CSMD1: variants seen among roughly 807,000 people sequenced by gnomAD.
The protein encoded by CSMD1 is CUB and sushi domain-containing protein 1.
CSMD1 carries 213 observed loss-of-function variants against 417.5 expected under a neutral mutation model. The ratio of observed to expected loss-of-function variants is 0.51; its 90% CI spans 0.46 to 0.57. The LOEUF (loss-of-function observed/expected upper bound fraction) is 0.57, where lower values mean the gene tolerates loss of function less well. CSMD1 is among the 20% of genes least tolerant of loss of function. The pLI, the probability that CSMD1 is intolerant of heterozygous loss-of-function variation, is 0.00. For missense variants in CSMD1, 6,923 were observed against 4,529.7 expected, an observed-to-expected ratio of 1.53 and a Z score of -15.17; for synonymous variants, 2,862 against 1,736.8, an observed-to-expected ratio of 1.65 and a Z score of -16.11.
At chr8:4,831,202 G>T (rs1474974796) in intron 1 of CSMD1, among the ~76,000 whole-genome samples, 4 of 152,174 alleles carry the variant, frequency 2.6e-5, no homozygotes, top group African/African-American at 9.7e-5. Context: ...ATTGGCAGAT[G>T]TCCTTTCATT....
Position 4,526,647 on chromosome 8 carries a change from G to A in CSMD1, c.303-106582C>T, listed in dbSNP as rs190219143. 2.2e-3 allele frequency among the ~76,000 whole-genome samples: 331 copies of A among 152,252 alleles called. 2 individuals carry two copies. Among genetic ancestry groups the A allele is most frequent in the African/African-American group, 6.9e-3 (288 of 41,552 alleles). On this transcript the variant is annotated intron_variant, in intron 2 of 69. Transcript: ENST00000635120. Reference sequence around the variant, plus strand: ...ACTCTTGGGAATTAACAAAAATTGTGTAATTTTTGCAAAATATCCTAGAAG... The same window carrying A: ...ACTCTTGGGAATTAACAAAAATTGTATAATTTTTGCAAAATATCCTAGAAG...
chr8:4,184,104 A>G (rs1750951885), intron 3 of CSMD1, among the ~76,000 whole-genome samples: 1 of 152,220 alleles, frequency 6.6e-6, no homozygotes. Context: ...CATTTTAGGA[A>G]TGTTAACTAT....
intron 52 of CSMD1, among the ~76,000 whole-genome samples, chr8:3,011,291 A>G (rs991364410): frequency 6.6e-5 from 10 of 152,138 alleles, no homozygotes; most frequent in African/African-American, 2.4e-4. Flanking sequence ...TAACATACAG[A>G]ACATATTTTA....
chr8:4,782,950 CAAA>C (rs11378248), intron 1 of CSMD1, among the ~76,000 whole-genome samples: 1 of 127,792 alleles, frequency 7.8e-6, no homozygotes, highest in African/African-American at 2.9e-5. Flanking sequence ...TAAAGACACT[CAAA>C]AAAAAAAAAA....
intron 3 of CSMD1, among the ~76,000 whole-genome samples, chr8:4,228,295 G>C (rs1040177034): frequency 9.2e-5 from 14 of 152,194 alleles, no homozygotes; most frequent in African/African-American, 9.7e-5. Context: ...GGCCCTGGCA[G>C]TAAAACTCTT....
chr8:3,464,243 C>G (rs1315218708), intron 12 of CSMD1, among the ~76,000 whole-genome samples: 1 of 152,076 alleles, frequency 6.6e-6, no homozygotes, highest in Non-Finnish European at 1.5e-5. Flanking sequence ...TCAGAGTCAA[C>G]TCACTTTACT....
At chr8:3,939,427 A>G (rs1366110010) in intron 5 of CSMD1, among the ~76,000 whole-genome samples, 1 of 152,158 alleles carries the variant, frequency 6.6e-6, no homozygotes, top group Non-Finnish European at 1.5e-5. Flanking sequence ...ATAAACTACT[A>G]CAACTACTAT....
chr8:3,404,840 T>C (rs1009018536), intron 15 of CSMD1, among the ~76,000 whole-genome samples: 9 of 152,204 alleles, frequency 5.9e-5, no homozygotes, highest in Non-Finnish European at 8.8e-5. Context: ...GATCTTTGTA[T>C]TGATACCTGT....
intron 2 of CSMD1, among the ~76,000 whole-genome samples, chr8:4,579,239 C>A (rs1024375247): frequency 6.6e-6 from 1 of 150,532 alleles, no homozygotes; most frequent in African/African-American, 2.4e-5. Context: ...ATGCCAACGG[C>A]GAAGTTTAAA....
intron 3 of CSMD1, among the ~76,000 whole-genome samples, chr8:4,228,266 C>T (rs1801484187): frequency 6.6e-6 from 1 of 152,210 alleles, no homozygotes; most frequent in East Asian, 1.9e-4. Flanking sequence ...CCTTTCCAGT[C>T]ACAGGCCCTG....
chr8:3,985,857 G>A (rs1814285372), intron 5 of CSMD1, among the ~76,000 whole-genome samples: 1 of 151,462 alleles, frequency 6.6e-6, no homozygotes, highest in African/African-American at 2.4e-5. Flanking sequence ...AGGTCTGTCT[G>A]AGCATCAGAT....
chr8:4,003,744 C>T (rs931372312), intron 4 of CSMD1, among the ~76,000 whole-genome samples: 1 of 152,168 alleles, frequency 6.6e-6, no homozygotes, highest in Non-Finnish European at 1.5e-5. Flanking sequence ...GCGAGTGACA[C>T]TGAGAGGGCT....
chr8:4,371,711 T>C (rs750036380), intron 3 of CSMD1, among the ~76,000 whole-genome samples: 5 of 152,216 alleles, frequency 3.3e-5, no homozygotes, highest in Non-Finnish European at 7.3e-5. Context: ...CATTACTTTG[T>C]ATGTATGTAT....
At chr8:3,192,929 G>T (rs1040064143) in intron 33 of CSMD1, among the ~76,000 whole-genome samples, 4 of 121,682 alleles carry the variant, frequency 3.3e-5, no homozygotes, top group African/African-American at 8.1e-5. Flanking sequence ...GTTGAATAAT[G>T]GCATGAAGAA....
At chr8:4,115,544 A>G (rs1277397498) in intron 3 of CSMD1, among the ~76,000 whole-genome samples, 1 of 152,178 alleles carries the variant, frequency 6.6e-6, no homozygotes, top group African/African-American at 2.4e-5. Flanking sequence ...TTTGTCAGCT[A>G]ATTCATAATT....
rs1797161452 is a variant in CSMD1 at position 4,420,062 on chromosome 8, T to A, written c.306A>T (p.Leu102Phe). 1 of 1,553,918 alleles carries A rather than the reference T, an allele frequency of 6.4e-7. No individual in the cohort carries two copies. Among genetic ancestry groups the A allele is most frequent in the Non-Finnish European group, 8.7e-7 (1 of 1,145,846 alleles). ...QPQQGNLKVRLSGFQLPSSIV... is the reference protein window; with the variant it reads ...QPQQGNLKVRFSGFQLPSSIV... The stretch of plus-strand genomic sequence containing the variant: ...TAGAGGAGGGCAGCTGAAATCCCGA[T>A]AATCTAAATTTAAAAGACAAGACAC... Residue 102 changes from leucine (L) to phenylalanine (F), a missense_variant, in exon 3 of 70, where the codon TTA becomes TTT. Leu to Phe is a conservative substitution (Grantham distance 22, BLOSUM62 0). Coordinates refer to ENST00000635120, the MANE Select transcript of CSMD1 (RefSeq NM_033225.6).
intron 1 of CSMD1, among the ~76,000 whole-genome samples, chr8:4,881,294 G>T (rs1803379992): frequency 6.6e-6 from 1 of 151,958 alleles, no homozygotes; most frequent in African/African-American, 2.4e-5. Flanking sequence ...CCCTCTACAA[G>T]GATAGTGACA....
chr8:2,951,361 GC>G, intron 65 of CSMD1, 86 bp from the exon 66 acceptor site: 5 of 1,341,016 alleles, frequency 3.7e-6, no homozygotes, highest in Non-Finnish European at 5.0e-6. Context: ...GCATCATACT[GC>G]TTAGCGAGCG....
chr8:3,181,772 G>C (rs966278809), intron 36 of CSMD1, among the ~76,000 whole-genome samples: 2 of 152,146 alleles, frequency 1.3e-5, no homozygotes, highest in African/African-American at 2.4e-5. Flanking sequence ...TTTTGACATA[G>C]TGATTTCTTT....
Sources: allele counts gnomAD v4.1 joint callset (sites outside exome capture counted in the v4.1 genomes callset), GRCh38; gene constraint gnomAD v4.1.1; transcripts MANE v1.5; gene names NCBI Gene and HGNC (gene_info 2026-07-23, HGNC 2026-07-21).